Variants in TRIM33 observed in about 807,000 individuals in gnomAD.
The protein encoded by TRIM33 is tripartite motif containing 33.
TRIM33 carries 20 observed loss-of-function variants against 125.4 expected under a neutral mutation model. The ratio of observed to expected loss-of-function variants is 0.16; its 90% CI spans 0.11 to 0.23. The LOEUF (loss-of-function observed/expected upper bound fraction) is 0.23. TRIM33 is among the 10% of genes least tolerant of loss of function. TRIM33 has a pLI of 1.00. For missense variants in TRIM33, 920 were observed against 1,411.4 expected (o/e 0.65, Z 5.58); for synonymous variants, 564 against 513.9 (o/e 1.10, Z -1.32).
intron 2 of TRIM33, 116 bp from the exon 3 acceptor site, chr1:114,463,672 G>A: frequency 1.6e-6 from 1 of 634,608 alleles, no homozygotes; most frequent in Non-Finnish European, 2.6e-6. Context: ...AAATTATTTT[G>A]TTATCCATTT....
intron 1 of TRIM33, among the ~76,000 whole-genome samples, chr1:114,505,242 A>G (rs1652925452): frequency 6.6e-6 from 1 of 152,212 alleles, no homozygotes; most frequent in Admixed American, 6.5e-5. Flanking sequence ...ATCGTTAATG[A>G]CTGGTTGTTG....
chr1:114,499,829 AT>A (rs1477803398), intron 1 of TRIM33, among the ~76,000 whole-genome samples: 1 of 152,224 alleles, frequency 6.6e-6, no homozygotes, highest in African/African-American at 2.4e-5. Context: ...AGATAATGGA[AT>A]TATCAAATAT....
chr1:114,410,398 T>C, intron 11 of TRIM33, 82 bp from the exon 12 acceptor site: 1 of 1,381,012 alleles, frequency 7.2e-7, no homozygotes, highest in African/African-American at 1.5e-5. Flanking sequence ...TTATACTCAG[T>C]TTATTAATAA....
chr1:114,396,577 A>G lies in TRIM33; in HGVS notation c.*1071T>C, dbSNP rs980840308. The G allele has an allele frequency of 5.0e-6, 1 of 199,830 alleles. No individual in the cohort carries two copies. The highest frequency in any genetic ancestry group is 2.3e-5 in the African/African-American group (1 of 43,516). 12.4% of individuals were successfully genotyped at this position (199,830 alleles called of 1,614,324 possible). The stretch of plus-strand genomic sequence containing the variant: ...AATAGACAGCATATATTACAAATCC[A>G]TTCTTGATAGGAACATTAGTAAGAA... On this transcript the variant is annotated 3_prime_UTR_variant, in exon 20 of 20. Transcript: ENST00000358465.
chr1:114,418,329 G>T (rs1270380456), intron 11 of TRIM33, among the ~76,000 whole-genome samples: 1 of 152,202 alleles, frequency 6.6e-6, no homozygotes, highest in Admixed American at 6.5e-5. Flanking sequence ...TGAGATTTGG[G>T]TGAGGACACA....
intron 11 of TRIM33, chr1:114,420,245 ACTC>A (rs776929714): frequency 2.8e-5 from 12 of 435,574 alleles, no homozygotes; most frequent in Non-Finnish European, 5.5e-5. Flanking sequence ...CATTCCATCT[ACTC>A]CTGTTCTCCA....
At chr1:114,433,947 T>C (rs1028185824) in intron 4 of TRIM33, among the ~76,000 whole-genome samples, 1 of 152,186 alleles carries the variant, frequency 6.6e-6, no homozygotes, top group Non-Finnish European at 1.5e-5. Flanking sequence ...AGAAAAAAAT[T>C]ACTCAGATAA....
intron 11 of TRIM33, among the ~76,000 whole-genome samples, chr1:114,413,989 T>C (rs190034220): frequency 1.3e-5 from 2 of 150,310 alleles, no homozygotes; most frequent in East Asian, 3.9e-4. Flanking sequence ...TGAGACCCTG[T>C]CTCAAAACAA....
In TRIM33 at chr1:114,446,474, T is replaced by G. The variant is rs115671446; in HGVS notation, c.924-12741A>C. Among the ~76,000 whole-genome samples the G allele has an allele frequency of 9.8e-3, 1,491 of 152,266 alleles. 23 individuals are homozygous for G. Among genetic ancestry groups the G allele is most frequent in the African/African-American group, 0.034 (1,408 of 41,536 alleles). On this transcript the variant is annotated intron_variant, in intron 4 of 19. Transcript: ENST00000358465. ...TAATTGAGTAAAATGAATAATCCTTTTGTAAAGTTACTAAAACCATACAAT... is the reference window on the plus strand; with the variant it reads ...TAATTGAGTAAAATGAATAATCCTTGTGTAAAGTTACTAAAACCATACAAT...
Position 114,405,731 on chromosome 1 carries a change from G to A in TRIM33, c.2447C>T (p.Pro816Leu). ...MLSSPESSLTPPLSTNLHLES... is the reference protein window; with the variant it reads ...MLSSPESSLTLPLSTNLHLES... Reference sequence around the variant, plus strand: ...TAGATGCAGGTTGGTTGAGAGAGGTGGTGTCAAGCTACTCTCAGGACTGCT... The same window carrying A: ...TAGATGCAGGTTGGTTGAGAGAGGTAGTGTCAAGCTACTCTCAGGACTGCT... Residue 816 changes from proline to leucine, a missense_variant, in exon 15 of 20, where the codon CCA becomes CTA. This residue lies in a region of TRIM33 where 407 missense variants were observed against 589.7 expected (regional missense o/e 0.69). Transcript: ENST00000358465. 5.6e-6 allele frequency: 9 copies of A among 1,613,890 alleles called. No individual in the cohort carries two copies. The highest frequency in any genetic ancestry group is 7.6e-6 in the Non-Finnish European group (9 of 1,179,888).
chr1:114,486,067 A>G (rs1337238751), intron 1 of TRIM33, among the ~76,000 whole-genome samples: 2 of 151,994 alleles, frequency 1.3e-5, no homozygotes, highest in Admixed American at 1.3e-4. Context: ...TTGAGGTCAG[A>G]AGTTCGAGAC....
chr1:114,434,692 A>G (rs943719166), intron 4 of TRIM33, among the ~76,000 whole-genome samples: 11 of 152,186 alleles, frequency 7.2e-5, no homozygotes, highest in African/African-American at 2.7e-4. Flanking sequence ...TCCTTTTTAC[A>G]TGGACTAAAG....
chr1:114,463,036 TAAGAAG>T, intron 4 of TRIM33, 62 bp downstream of exon 4: 3 of 1,267,928 alleles, frequency 2.4e-6, no homozygotes, highest in Non-Finnish European at 3.2e-6. Context: ...ATATTTGCTT[TAAGAAG>T]AAGAATGACT....
At chr1:114,479,653 C>A (rs142410090) in intron 1 of TRIM33, among the ~76,000 whole-genome samples, 51 of 152,242 alleles carry the variant, frequency 3.3e-4, no homozygotes, top group Middle Eastern at 3.4e-3. Flanking sequence ...TAAAACCAGA[C>A]TATATAAATG....
At chr1:114,419,459 A>C (rs1017075815) in intron 11 of TRIM33, among the ~76,000 whole-genome samples, 1 of 152,182 alleles carries the variant, frequency 6.6e-6, no homozygotes, top group Admixed American at 6.5e-5. Flanking sequence ...GGGATATTAC[A>C]TATCAGGTGA....
chr1:114,476,752 A>G (rs1650999015), intron 1 of TRIM33, among the ~76,000 whole-genome samples: 1 of 152,158 alleles, frequency 6.6e-6, no homozygotes, highest in African/African-American at 2.4e-5. Context: ...TAAATGGCCA[A>G]TTTTCTAGTA....
At chr1:114,436,887 A>G (rs1648344265) in intron 4 of TRIM33, among the ~76,000 whole-genome samples, 1 of 152,200 alleles carries the variant, frequency 6.6e-6, no homozygotes, top group African/African-American at 2.4e-5. Flanking sequence ...AACTATTACT[A>G]TGTTAAATCT....
chr1:114,472,930 C>CA (rs960700481), intron 1 of TRIM33, among the ~76,000 whole-genome samples: 21 of 144,186 alleles, frequency 1.5e-4, no homozygotes, highest in South Asian at 6.6e-4. Flanking sequence ...TGAGCAGAAA[C>CA]AAAAAAAAAA....
intron 14 of TRIM33, 109 bp from the exon 15 acceptor site, chr1:114,405,868 A>C: frequency 1.0e-6 from 1 of 956,018 alleles, no homozygotes; most frequent in South Asian, 1.7e-5. Context: ...TGACGTAACA[A>C]ATTTATTTTA....
Sources: gnomAD v4.1 joint callset for allele counts (sites outside exome capture counted in the v4.1 genomes callset) on GRCh38, gnomAD v4.1.1 for gene constraint, gnomAD v4.1.1 regional missense constraint, MANE v1.5 for transcripts, NCBI Gene and HGNC (gene_info 2026-07-23, HGNC 2026-07-21) for gene names.